Variants in BCL2 observed in about 807,000 individuals in gnomAD.
BCL2 encodes apoptosis regulator Bcl-2.
In BCL2, 1 loss-of-function variant was observed where a neutral mutation model predicts 14.2. That is an observed-to-expected ratio of 0.07 (90% CI 0.02 to 0.33). BCL2 has a LOEUF of 0.33. BCL2 is among the 10% of genes least tolerant of loss of function. The probability of loss-of-function intolerance (pLI) is 0.99; values close to 1 mark genes in which losing one functional copy is unlikely to be tolerated. For missense variants in BCL2, 247 were observed against 305.9 expected, an observed-to-expected ratio of 0.81 and a Z score of 1.44; for synonymous variants, 151 against 137.2, an observed-to-expected ratio of 1.10 and a Z score of -0.70.
At chr18:63,152,150 T>G (rs17070739) in intron 2 of BCL2, among the ~76,000 whole-genome samples, 16,426 of 152,246 alleles carry the variant, frequency 0.11, 1,593 homozygotes, top group African/African-American at 0.24. Context: ...CTGCTTTGTA[T>G]GACTTCCAAG....
At chr18:63,169,575 TGCAGTG>T (rs1341683453) in intron 2 of BCL2, among the ~76,000 whole-genome samples, 1 of 146,788 alleles carries the variant, frequency 6.8e-6, no homozygotes, top group African/African-American at 2.5e-5. Flanking sequence ...CAGGCTGGAG[TGCAGTG>T]GCATGATCTT....
At chr18:63,148,653 T>C (rs1392032030) in intron 2 of BCL2, among the ~76,000 whole-genome samples, 3 of 148,168 alleles carry the variant, frequency 2.0e-5, no homozygotes, top group Non-Finnish European at 3.0e-5. Flanking sequence ...CTGCCTGGAA[T>C]GTAGTAGGAA....
At chr18:63,312,739 G>T (rs1439601231) in intron 2 of BCL2, among the ~76,000 whole-genome samples, 1 of 152,094 alleles carries the variant, frequency 6.6e-6, no homozygotes, top group East Asian at 1.9e-4. Context: ...GTATTTTTTG[G>T]CATACAAGAG....
chr18:63,227,625 G>T (rs944911974), intron 2 of BCL2, among the ~76,000 whole-genome samples: 1 of 152,148 alleles, frequency 6.6e-6, no homozygotes, highest in Non-Finnish European at 1.5e-5. Flanking sequence ...TTTAATGTGA[G>T]GCAGAATAAG....
At chr18:63,298,926 C>A (rs780013113) in intron 2 of BCL2, among the ~76,000 whole-genome samples, 1 of 152,088 alleles carries the variant, frequency 6.6e-6, no homozygotes, top group Admixed American at 6.6e-5. Context: ...AAAAGCTGGG[C>A]GGCAGCAGAG....
At chr18:63,215,915 C>T (rs1404842909) in intron 2 of BCL2, among the ~76,000 whole-genome samples, 1 of 151,946 alleles carries the variant, frequency 6.6e-6, no homozygotes, top group African/African-American at 2.4e-5. Flanking sequence ...GAATTATTTA[C>T]ATAATCAGAA....
chr18:63,292,275 G>A (rs867639550), intron 2 of BCL2, among the ~76,000 whole-genome samples: 31 of 150,544 alleles, frequency 2.1e-4, no homozygotes, highest in South Asian at 6.3e-4. Context: ...ATTCATATGT[G>A]CAGGGTTATT....
At chr18:63,201,703 C>A (rs899293568) in intron 2 of BCL2, among the ~76,000 whole-genome samples, 1 of 152,196 alleles carries the variant, frequency 6.6e-6, no homozygotes, top group Non-Finnish European at 1.5e-5. Flanking sequence ...TGGAAACCAT[C>A]ATTCTCAGCA....
At chr18:63,246,182 A>G (rs924430014) in intron 2 of BCL2, among the ~76,000 whole-genome samples, 8 of 152,218 alleles carry the variant, frequency 5.3e-5, no homozygotes, top group African/African-American at 1.9e-4. Context: ...ATCAGGTCAT[A>G]GTCCCAAGTG....
intron 2 of BCL2, among the ~76,000 whole-genome samples, chr18:63,209,736 G>C (rs540716192): frequency 1.3e-4 from 20 of 152,176 alleles, no homozygotes; most frequent in African/African-American, 4.6e-4. Context: ...CGAGACAGAG[G>C]AAACAGAGCG....
intron 2 of BCL2, among the ~76,000 whole-genome samples, chr18:63,283,931 G>A (rs1037702260): frequency 6.6e-6 from 1 of 152,186 alleles, no homozygotes; most frequent in African/African-American, 2.4e-5. Context: ...CTTGGCGTTT[G>A]TTTCCTATTC....
chr18:63,178,198 A>C (rs1409635895), intron 2 of BCL2, among the ~76,000 whole-genome samples: 2 of 152,192 alleles, frequency 1.3e-5, no homozygotes, highest in Non-Finnish European at 2.9e-5. Context: ...ACACCGCGTA[A>C]GGGATTTTGC....
chr18:63,289,610 A>G (rs1367211848), intron 2 of BCL2, among the ~76,000 whole-genome samples: 1 of 152,136 alleles, frequency 6.6e-6, no homozygotes, highest in Non-Finnish European at 1.5e-5. Flanking sequence ...GGAGCCTTAA[A>G]ATAAAAAAAA....
chr18:63,158,882 T>C (rs1198021513), intron 2 of BCL2, among the ~76,000 whole-genome samples: 1 of 152,190 alleles, frequency 6.6e-6, no homozygotes, highest in Non-Finnish European at 1.5e-5. Context: ...GCTCAGGTTA[T>C]CTACTTTAAA....
At chr18:63,263,417 G>A (rs1911719210) in intron 2 of BCL2, among the ~76,000 whole-genome samples, 1 of 152,186 alleles carries the variant, frequency 6.6e-6, no homozygotes, top group Non-Finnish European at 1.5e-5. Context: ...AGGTGTGTGA[G>A]ATCCTAAGGA....
chr18:63,193,222 A>G (rs1050651910), intron 2 of BCL2, among the ~76,000 whole-genome samples: 1 of 152,244 alleles, frequency 6.6e-6, no homozygotes, highest in Admixed American at 6.5e-5. Context: ...ATCAATCTAC[A>G]AAAATGATAA....
chr18:63,169,393 C>CTTTCTTTCTT (rs1199642641), intron 2 of BCL2, among the ~76,000 whole-genome samples: 3 of 113,302 alleles, frequency 2.6e-5, no homozygotes, highest in Admixed American at 8.9e-5. Flanking sequence ...CTTTCTTTTT[C>CTTTCTTTCTT]TTTCTTTCTT....
chr18:63,124,526 A>G lies in BCL2; in HGVS notation c.*4099T>C, dbSNP rs775666508. ...CCCAATACAGGTCCTTCATACCCTTAGTTCTGGTTATTCTGAAAACTTCCA... is the reference window on the plus strand; with the variant it reads ...CCCAATACAGGTCCTTCATACCCTTGGTTCTGGTTATTCTGAAAACTTCCA... On this transcript the variant is annotated 3_prime_UTR_variant, in exon 3 of 3. Transcript: ENST00000333681. The G allele has an allele frequency of 9.1e-5, 21 of 231,780 alleles. No individual in the cohort carries two copies. Among genetic ancestry groups the G allele is most frequent in the Non-Finnish European group, 1.5e-4 (18 of 117,178 alleles). 14.4% of individuals were successfully genotyped at this position (231,780 alleles called of 1,614,324 possible).
intron 2 of BCL2, among the ~76,000 whole-genome samples, chr18:63,176,134 A>G (rs934508709): frequency 8.5e-5 from 13 of 152,232 alleles, no homozygotes; most frequent in Admixed American, 5.2e-4. Context: ...TGGTCTATTG[A>G]AAGAATTTTC....
Sources: allele counts gnomAD v4.1 joint callset (sites outside exome capture counted in the v4.1 genomes callset), GRCh38; gene constraint gnomAD v4.1.1; transcripts MANE v1.5; gene names NCBI Gene and HGNC (gene_info 2026-07-23, HGNC 2026-07-21).